The following ATRNL1 variants were observed in gnomAD, a reference collection of about 807,000 sequenced individuals.
The protein encoded by ATRNL1 is attractin-like protein 1.
In ATRNL1, 95 loss-of-function variants were observed where a neutral mutation model predicts 182.7. The observed-to-expected ratio is 0.52, with a 90% CI of 0.44 to 0.62. ATRNL1 has a LOEUF of 0.62. ATRNL1 is among the 20% of genes least tolerant of loss of function. ATRNL1 has a pLI of 0.00. For missense variants in ATRNL1, 1,471 were observed against 1,679.5 expected (o/e 0.88, Z 2.17); for synonymous variants, 576 against 568.3 (o/e 1.01, Z -0.19).
chr10:115,597,753 G>T (rs1428487273), intron 26 of ATRNL1: 1 of 427,956 alleles, frequency 2.3e-6, no homozygotes, highest in Non-Finnish European at 4.6e-6. Context: ...TCACCATGTT[G>T]GCCAGACTGG....
chr10:115,488,167 A>G (rs1592727816), intron 24 of ATRNL1, among the ~76,000 whole-genome samples: 1 of 152,130 alleles, frequency 6.6e-6, no homozygotes, highest in Non-Finnish European at 1.5e-5. Context: ...CATCAGGGAT[A>G]TTGGCCTGAA....
chr10:115,907,592 A>G (rs1952542176), intron 28 of ATRNL1, among the ~76,000 whole-genome samples: 1 of 152,234 alleles, frequency 6.6e-6, no homozygotes, highest in Admixed American at 6.5e-5. Context: ...GTTTTCATAC[A>G]CATTTCAATA....
chr10:115,566,140 G>T (rs1854063714), intron 26 of ATRNL1, among the ~76,000 whole-genome samples: 1 of 151,548 alleles, frequency 6.6e-6, no homozygotes, highest in Non-Finnish European at 1.5e-5. Flanking sequence ...TTGCTGTATG[G>T]CCCAGGCTGG....
At chr10:115,356,783 A>T (rs1856523228) in intron 19 of ATRNL1, among the ~76,000 whole-genome samples, 1 of 151,916 alleles carries the variant, frequency 6.6e-6, no homozygotes, top group African/African-American at 2.4e-5. Context: ...TGCTATTTGA[A>T]TAGTGATTTT....
chr10:115,519,848 A>G (rs1456094181), intron 25 of ATRNL1, among the ~76,000 whole-genome samples: 1 of 152,180 alleles, frequency 6.6e-6, no homozygotes, highest in East Asian at 1.9e-4. Context: ...CTAATTTGCA[A>G]TATGTCATTC....
chr10:115,095,830 T>G (rs1287134180), intron 1 of ATRNL1, among the ~76,000 whole-genome samples: 1 of 152,184 alleles, frequency 6.6e-6, no homozygotes, highest in Admixed American at 6.5e-5. Flanking sequence ...TTTTTACATT[T>G]TTTTTACATA....
chr10:115,874,479 C>G (rs1266676502), intron 28 of ATRNL1, among the ~76,000 whole-genome samples: 2 of 152,022 alleles, frequency 1.3e-5, no homozygotes. Context: ...AAGTACTAAG[C>G]ACTATCAGAG....
At chr10:115,121,678 A>G (rs782579020) in intron 2 of ATRNL1, 21 bp from the exon 3 acceptor site, 2 of 1,127,672 alleles carry the variant, frequency 1.8e-6, no homozygotes, top group Middle Eastern at 2.4e-4. Flanking sequence ...AATTTGAAAA[A>G]TATTTCATAT....
intron 26 of ATRNL1, among the ~76,000 whole-genome samples, chr10:115,722,710 T>C (rs1456213061): frequency 6.6e-6 from 1 of 152,188 alleles, no homozygotes; most frequent in Non-Finnish European, 1.5e-5. Flanking sequence ...GTTTTGAATA[T>C]AATTGCTGTT....
At chr10:115,412,955 A>G (rs539377232) in intron 20 of ATRNL1, among the ~76,000 whole-genome samples, 8 of 152,336 alleles carry the variant, frequency 5.3e-5, no homozygotes, top group East Asian at 1.9e-4. Flanking sequence ...GGGATCTACA[A>G]TGAAATTGAT....
rs782698810 is a variant in ATRNL1, at chr10:115,265,261, G to T, written c.1756G>T (p.Ala586Ser). 3.1e-6 allele frequency: 5 copies of T among 1,602,864 alleles called. No individual in the cohort carries two copies. The African/African-American group carries it at 6.7e-5, about 22-fold the overall frequency. Reference protein sequence around the residue: ...HRDVNRFGHSAVVINGSMYIF... With the variant: ...HRDVNRFGHSSVVINGSMYIF... The stretch of plus-strand genomic sequence containing the variant: ...AGATGTCAACAGATTTGGACACTCT[G>T]CAGTAGTCATTAACGGGTAAAAGAA... The change falls in exon 11 of 29, where the codon GCA becomes TCA. Residue 586 changes from alanine to serine, a missense_variant. Physicochemically the swap from Ala to Ser is moderately conservative, Grantham distance 99. Transcript: ENST00000355044.
chr10:115,748,209 C>A (rs1948348060), intron 27 of ATRNL1, among the ~76,000 whole-genome samples: 1 of 151,926 alleles, frequency 6.6e-6, no homozygotes, highest in East Asian at 1.9e-4. Flanking sequence ...AAACCTACTC[C>A]CAGGGCAGCC....
intron 24 of ATRNL1, among the ~76,000 whole-genome samples, chr10:115,495,403 T>G (rs1849494318): frequency 6.6e-6 from 1 of 152,304 alleles, no homozygotes; most frequent in South Asian, 2.1e-4. Context: ...CCTCTAGGTG[T>G]GATGTTAGGT....
chr10:115,507,355 A>G (rs1385761326), intron 24 of ATRNL1, among the ~76,000 whole-genome samples: 1 of 152,026 alleles, frequency 6.6e-6, no homozygotes, highest in Non-Finnish European at 1.5e-5. Flanking sequence ...TCTCTAGTAG[A>G]TACTGCAATT....
chr10:115,130,096 G>A (rs1845162856), intron 5 of ATRNL1, among the ~76,000 whole-genome samples: 2 of 152,096 alleles, frequency 1.3e-5, no homozygotes, highest in South Asian at 2.1e-4. Flanking sequence ...CAAAGATTAA[G>A]TTTAGACTAC....
At chr10:115,301,195 A>G (rs1381313584) in intron 16 of ATRNL1, among the ~76,000 whole-genome samples, 4 of 152,108 alleles carry the variant, frequency 2.6e-5, no homozygotes, top group African/African-American at 4.8e-5. Context: ...TAATGCTGCT[A>G]TGAATGTGGG....
At chr10:115,100,793 T>C (rs1177820750) in intron 1 of ATRNL1, among the ~76,000 whole-genome samples, 1 of 152,230 alleles carries the variant, frequency 6.6e-6, no homozygotes, top group Admixed American at 6.5e-5. Context: ...GGATTTTGTT[T>C]GTAATTATGT....
chr10:115,177,769 G>C (rs1339894298), intron 8 of ATRNL1, among the ~76,000 whole-genome samples: 1 of 151,572 alleles, frequency 6.6e-6, no homozygotes, highest in African/African-American at 2.4e-5. Context: ...GTGTCATCCA[G>C]TGTGGCTTGA....
intron 21 of ATRNL1, among the ~76,000 whole-genome samples, chr10:115,439,393 T>C (rs1047040008): frequency 3.3e-5 from 5 of 151,914 alleles, no homozygotes; most frequent in African/African-American, 4.8e-5. Flanking sequence ...AAAGAAACTC[T>C]CTGAACATTG....
Sources: allele counts gnomAD v4.1 joint callset (sites outside exome capture counted in the v4.1 genomes callset), GRCh38; gene constraint gnomAD v4.1.1; transcripts MANE v1.5; gene names NCBI Gene and HGNC (gene_info 2026-07-23, HGNC 2026-07-21).